The following TPMT variants were observed in gnomAD, a reference collection of about 807,000 sequenced individuals.
The protein encoded by TPMT is S-adenosyl-L-methionine:thiopurine S-methyltransferase.
A neutral mutation model predicts 34.2 loss-of-function variants in TPMT; 18 were observed. The observed-to-expected ratio is 0.53, with a 90% confidence interval of 0.36 to 0.78. The LOEUF is 0.78. Among genes scored for constraint, TPMT ranks in the 30% least tolerant of loss-of-function variants. TPMT has a pLI of 0.00. For missense variants in TPMT, 265 were observed against 288.1 expected, an observed-to-expected ratio of 0.92 and a Z score of 0.58; for synonymous variants, 69 against 92.4, an observed-to-expected ratio of 0.75 and a Z score of 1.45.
chr6:18,138,905 A>G lies in TPMT; in HGVS notation c.494+58T>C. On this transcript the variant is annotated intron_variant, in intron 6 of 8. Coordinates refer to ENST00000309983, the MANE Select transcript of TPMT (RefSeq NM_000367.5). The surrounding 1 kb of genome is among the most constrained non-coding windows in gnomAD (Gnocchi z 4.1). ...CTAAGCTGATTTTCTAGAACCCAGA[A>G]AAAGTATAGTATACTAAAAAATTAA... The G allele has an allele frequency of 7.0e-7, 1 of 1,421,636 alleles. No homozygotes were observed. Among genetic ancestry groups the G allele is most frequent in the Non-Finnish European group, 9.8e-7 (1 of 1,016,206 alleles). The allele number at this position is 1,421,636 out of a possible 1,614,324, so 88.1% of individuals were successfully genotyped here.
rs1206917109 is a variant in TPMT, at chr6:18,154,377, T to A, written c.-45+656A>T. ...GCTATAGTTTTGTTTTTAAATTTCA[T>A]AAAATTGAGAAGAAACTTTCCTAAG... is the stretch of plus-strand genomic sequence containing the variant. On this transcript the variant is annotated intron_variant, in intron 1 of 8. Coordinates refer to ENST00000309983, the MANE Select transcript of TPMT (RefSeq NM_000367.5). This position sits in a 1 kb window ranked among gnomAD's most constrained non-coding sequence, Gnocchi z 4.2. Among the ~76,000 whole-genome samples, 9 of 152,202 alleles carry A rather than the reference T, an allele frequency of 5.9e-5. No individual in the cohort carries two copies. The highest frequency in any genetic ancestry group is 2.2e-4 in the African/African-American group (9 of 41,440).
At position 18,148,837 on chromosome 6, in the gene TPMT, CA is replaced by C. The variant is rs1423064932; in HGVS notation, c.140+150del. On this transcript the variant is annotated intron_variant, in intron 2 of 8. Transcript: ENST00000309983. This position sits in a 1 kb window ranked among gnomAD's most constrained non-coding sequence, Gnocchi z 4.1. ...CTCTGCCAATTAAACTACATCATGC[CA>C]CAGATGCACTGTGACTCGGGAGACA... The C allele has an allele frequency of 9.2e-7, 1 of 1,087,190 alleles. No individual in the cohort carries two copies. Among genetic ancestry groups the C allele is most frequent in the African/African-American group, 1.6e-5 (1 of 64,304 alleles). The allele number at this position is 1,087,190 out of a possible 1,614,324, so 67.3% of individuals were successfully genotyped here.
In TPMT at chr6:18,153,891, T is replaced by C. The variant is rs12212924; in HGVS notation, c.-45+1142A>G. 0.017 allele frequency among the ~76,000 whole-genome samples: 2,530 copies of C among 152,328 alleles called. 37 individuals are homozygous for C. Among genetic ancestry groups the C allele is most frequent in the Non-Finnish European group, 0.024 (1,665 of 68,020 alleles). The stretch of plus-strand genomic sequence containing the variant: ...ATTCCTTTCACACAAACTTGAACTG[T>C]CTAACAAAATCATGCACATAACTTA... On this transcript the variant is annotated intron_variant, in intron 1 of 8. Coordinates refer to ENST00000309983, the MANE Select transcript of TPMT (RefSeq NM_000367.5). This position sits in a 1 kb window ranked among gnomAD's most constrained non-coding sequence, Gnocchi z 4.2.
rs566876423 is a variant in TPMT at position 18,146,239 on chromosome 6, C to G, written c.233+1584G>C. On this transcript the variant is annotated intron_variant, in intron 3 of 8. Transcript: ENST00000309983. The surrounding 1 kb of genome is among the most constrained non-coding windows in gnomAD (Gnocchi z 6.2). The stretch of plus-strand genomic sequence containing the variant: ...TATATATATTTTTTGGAGACAGAGT[C>G]TCACTCTGTCACCTAGGCTGGAGTG... Among the ~76,000 whole-genome samples the G allele has an allele frequency of 6.6e-6, 1 of 151,964 alleles. No homozygotes were observed. Among genetic ancestry groups the G allele is most frequent in the South Asian group, 2.1e-4 (1 of 4,808 alleles).
In TPMT at chr6:18,140,782, A is replaced by G. The variant is rs369704227; in HGVS notation, c.367-1065T>C. ...AAGAGGTGACTTTTGAAAGGGTGAC[A>G]CTCTAGGGTGTGGACTGGGGGCACA... On this transcript the variant is annotated intron_variant, in intron 4 of 8. Transcript: ENST00000309983. The surrounding 1 kb of genome is among the most constrained non-coding windows in gnomAD (Gnocchi z 4.7). Among the ~76,000 whole-genome samples, 284 of 152,184 alleles carry G rather than the reference A, an allele frequency of 1.9e-3. 3 individuals carry two copies. Among genetic ancestry groups the G allele is most frequent in the African/African-American group, 6.5e-3 (269 of 41,522 alleles).
intron 1 of TPMT, among the ~76,000 whole-genome samples, chr6:18,151,664 C>T (rs761281860): frequency 6.6e-6 from 1 of 151,590 alleles, no homozygotes; most frequent in Non-Finnish European, 1.5e-5. Context: ...AGTGCAGTGG[C>T]ACAATACAGC....
At chr6:18,141,263 T>C (rs1453907112) in intron 4 of TPMT, among the ~76,000 whole-genome samples, 1 of 152,122 alleles carries the variant, frequency 6.6e-6, no homozygotes, top group Admixed American at 6.6e-5. Flanking sequence ...TTGGATTCTT[T>C]AATGCTTTGA....
Position 18,143,803 on chromosome 6 carries a change from T to C in TPMT, c.234-75A>G, listed in dbSNP as rs1784197081. The C allele has an allele frequency of 1.3e-6, 2 of 1,558,324 alleles. No homozygotes were observed. Among genetic ancestry groups the C allele is most frequent in the Non-Finnish European group, 1.7e-6 (2 of 1,144,418 alleles). On this transcript the variant is annotated intron_variant, in intron 3 of 8. Transcript: ENST00000309983. The surrounding 1 kb of genome is among the most constrained non-coding windows in gnomAD (Gnocchi z 6.1). ...ATAGAGGGTTATATTAGAGTAAGCA[T>C]ATATTTTCTTTAATTTAGAGGAATT... is the stretch of plus-strand genomic sequence containing the variant.
Position 18,133,788 on chromosome 6 carries a change from AAC to A in TPMT, c.580+14_580+15del, listed in dbSNP as rs1491510976. 29 of 1,581,128 alleles carry A rather than the reference AAC, an allele frequency of 1.8e-5. No individual in the cohort carries two copies. Among genetic ancestry groups the A allele is most frequent in the Admixed American group, 3.8e-5 (2 of 52,546 alleles). On this transcript the variant is annotated intron_variant, in intron 7 of 8. Transcript: ENST00000309983. ...GGCAACTGGTAAAAGAAAAAAAAAAAACCCAACAACTTTACCTGGATGTTTAG... is the reference window on the plus strand; with the variant it reads ...GGCAACTGGTAAAAGAAAAAAAAAAACCAACAACTTTACCTGGATGTTTAG...
rs1010290619 is a variant in TPMT, at chr6:18,138,609, C to G, written c.494+354G>C. ...AACAATACCTGGAATAGGCAAGTGA[C>G]CAGTAAGTATTACCTGGTAATATTA... On this transcript the variant is annotated intron_variant, in intron 6 of 8. Coordinates refer to ENST00000309983, the MANE Select transcript of TPMT (RefSeq NM_000367.5). This position sits in a 1 kb window ranked among gnomAD's most constrained non-coding sequence, Gnocchi z 4.1. Among the ~76,000 whole-genome samples the G allele has an allele frequency of 3.3e-5, 5 of 152,080 alleles. No individual in the cohort carries two copies. Among genetic ancestry groups the G allele is most frequent in the Non-Finnish European group, 5.9e-5 (4 of 68,028 alleles).
In TPMT at chr6:18,139,556, TG is replaced by T. The variant is rs1784103347; in HGVS notation, c.419+108del. 2.3e-6 allele frequency: 2 copies of T among 873,826 alleles called. No homozygotes were observed. The highest frequency in any genetic ancestry group is 1.7e-5 in the African/African-American group (1 of 59,134). The allele number at this position is 873,826 out of a possible 1,614,324, so 54.1% of individuals were successfully genotyped here. A position where few individuals can be genotyped will look rare whatever the true frequency, so the allele number is the denominator to read the frequency against. ...AACAGACATTCAAAAAAATGCTTTGTGGATGTTACACAGGAGGAAGAGAGTG... is the reference window on the plus strand; with the variant it reads ...AACAGACATTCAAAAAAATGCTTTGTGATGTTACACAGGAGGAAGAGAGTG... On this transcript the variant is annotated intron_variant, in intron 5 of 8. Coordinates refer to ENST00000309983, the MANE Select transcript of TPMT (RefSeq NM_000367.5). This position sits in a 1 kb window ranked among gnomAD's most constrained non-coding sequence, Gnocchi z 4.2.
At position 18,149,231 on chromosome 6, in the gene TPMT, T is replaced by G. The variant is rs1784306612; in HGVS notation, c.-44-60A>C. ...GGTCATTGGAATTCTATTGATGAAC[T>G]AAATGAAAACCTATTATTCTTAGCA... On this transcript the variant is annotated intron_variant, in intron 1 of 8. Coordinates refer to ENST00000309983, the MANE Select transcript of TPMT (RefSeq NM_000367.5). This position sits in a 1 kb window ranked among gnomAD's most constrained non-coding sequence, Gnocchi z 5.0. 4.4e-6 allele frequency: 6 copies of G among 1,372,072 alleles called. No individual in the cohort carries two copies. The highest frequency in any genetic ancestry group is 6.2e-6 in the Non-Finnish European group (6 of 967,036). The allele number at this position is 1,372,072 out of a possible 1,614,324, so 85.0% of individuals were successfully genotyped here.
At chr6:18,152,591 C>CT (rs572086653) in intron 1 of TPMT, among the ~76,000 whole-genome samples, 2,541 of 128,768 alleles carry the variant, frequency 0.02, 47 homozygotes, top group African/African-American at 0.058. Flanking sequence ...TTCTTTCTTT[C>CT]TTTTTTTTTT....
At chr6:18,144,164 C>T (rs1444358453) in intron 3 of TPMT, among the ~76,000 whole-genome samples, 3 of 152,060 alleles carry the variant, frequency 2.0e-5, no homozygotes, top group Non-Finnish European at 4.4e-5. Context: ...ATTGGTTCCT[C>T]GTGATTGAGG....
rs1448995833 is a variant in TPMT, at chr6:18,145,075, A to G, written c.234-1347T>C. Among the ~76,000 whole-genome samples the G allele has an allele frequency of 1.3e-5, 2 of 152,200 alleles. No individual in the cohort carries two copies. Among genetic ancestry groups the G allele is most frequent in the Non-Finnish European group, 2.9e-5 (2 of 68,026 alleles). ...AGAGAAAACAGTACCAGTGGTACAA[A>G]TATCTAGGCACAGTTATGATTTTAT... On this transcript the variant is annotated intron_variant, in intron 3 of 8. Coordinates refer to ENST00000309983, the MANE Select transcript of TPMT (RefSeq NM_000367.5). This position sits in a 1 kb window ranked among gnomAD's most constrained non-coding sequence, Gnocchi z 5.6.
rs35764030 is a variant in TPMT, at chr6:18,150,019, TA to T, written c.-44-849del. 0.052 allele frequency among the ~76,000 whole-genome samples: 7,849 copies of T among 152,268 alleles called. 299 individuals are homozygous for T. Among genetic ancestry groups the T allele is most frequent in the East Asian group, 0.17 (890 of 5,158 alleles). On this transcript the variant is annotated intron_variant, in intron 1 of 8. Transcript: ENST00000309983. The surrounding 1 kb of genome is among the most constrained non-coding windows in gnomAD (Gnocchi z 5.3). ...CTTCTGATTTAATTCTGACATTACC[TA>T]CCTGGAGATAGTGTCAGATTCTATA...
rs569541601 is a variant in TPMT, at chr6:18,131,526, A to C, written c.625+607T>G. On this transcript the variant is annotated intron_variant, in intron 8 of 8. Coordinates refer to ENST00000309983, the MANE Select transcript of TPMT (RefSeq NM_000367.5). The surrounding 1 kb of genome is among the most constrained non-coding windows in gnomAD (Gnocchi z 4.3). ...GCCCAGGGAGGTCGAGGCTGCAGTGAGCTGTGATTGCACTTCTGTACTCCA... is the reference window on the plus strand; with the variant it reads ...GCCCAGGGAGGTCGAGGCTGCAGTGCGCTGTGATTGCACTTCTGTACTCCA... Among the ~76,000 whole-genome samples the C allele has an allele frequency of 6.6e-6, 1 of 152,286 alleles. No individual in the cohort carries two copies. The highest frequency in any genetic ancestry group is 2.1e-4 in the South Asian group (1 of 4,824).
rs1784444708 is a variant in TPMT, at chr6:18,154,678, C to T, written c.-45+355G>A. Reference sequence around the variant, plus strand: ...GTCCCAGTTACCGAGGAGGCTGGGGCGGGAAGATCACTTGAGCCCAGGAGT... The same window carrying T: ...GTCCCAGTTACCGAGGAGGCTGGGGTGGGAAGATCACTTGAGCCCAGGAGT... On this transcript the variant is annotated intron_variant, in intron 1 of 8. Coordinates refer to ENST00000309983, the MANE Select transcript of TPMT (RefSeq NM_000367.5). This position sits in a 1 kb window ranked among gnomAD's most constrained non-coding sequence, Gnocchi z 4.2. 6.6e-6 allele frequency among the ~76,000 whole-genome samples: 1 copy of T among 152,032 alleles called. No individual in the cohort carries two copies. The highest frequency in any genetic ancestry group is 2.4e-5 in the African/African-American group (1 of 41,382).
chr6:18,140,118 T>C lies in TPMT; in HGVS notation c.367-401A>G, dbSNP rs1940632660. Among the ~76,000 whole-genome samples the C allele has an allele frequency of 6.6e-6, 1 of 152,222 alleles. No homozygotes were observed. The highest frequency in any genetic ancestry group is 1.5e-5 in the Non-Finnish European group (1 of 68,034). Reference sequence around the variant, plus strand: ...TTTAAGTTATTCCAGAAATGTGCAATTGTGCTGATTCTTCCATTTTTGCTC... The same window carrying C: ...TTTAAGTTATTCCAGAAATGTGCAACTGTGCTGATTCTTCCATTTTTGCTC... On this transcript the variant is annotated intron_variant, in intron 4 of 8. Transcript: ENST00000309983. This position sits in a 1 kb window ranked among gnomAD's most constrained non-coding sequence, Gnocchi z 4.7.
Sources: gnomAD v4.1 joint callset for allele counts (sites outside exome capture counted in the v4.1 genomes callset) on GRCh38, gnomAD v4.1.1 for gene constraint, Gnocchi (gnomAD v3.1) non-coding constraint, MANE v1.5 for transcripts, NCBI Gene and HGNC (gene_info 2026-07-23, HGNC 2026-07-21) for gene names.